Variants in CCSER1 observed in about 807,000 individuals in gnomAD.
CCSER1 encodes serine-rich coiled-coil domain-containing protein 1.
Under a neutral mutation model 82.0 loss-of-function variants are expected in CCSER1, and 41 were observed. The observed-to-expected ratio is 0.50, with a 90% CI of 0.39 to 0.65. The LOEUF (loss-of-function observed/expected upper bound fraction) is 0.65, where lower values mean the gene tolerates loss of function less well. Among genes scored for constraint, CCSER1 ranks in the 30% least tolerant of loss-of-function variants. CCSER1 has a pLI of 0.00. For missense variants in CCSER1, 1,119 were observed against 1,064.2 expected (o/e 1.05, Z -0.72); for synonymous variants, 414 against 383.9 (o/e 1.08, Z -0.92).
intron 6 of CCSER1, among the ~76,000 whole-genome samples, chr4:90,691,653 A>G (rs1429802613): frequency 1.3e-5 from 2 of 151,624 alleles, no homozygotes; most frequent in East Asian, 1.9e-4. Context: ...GTATATATAC[A>G]CACATGCATA....
intron 8 of CCSER1, among the ~76,000 whole-genome samples, chr4:90,863,096 C>T (rs1018806538): frequency 6.6e-6 from 1 of 151,342 alleles, no homozygotes; most frequent in Non-Finnish European, 1.5e-5. Context: ...CCGCTCCCCC[C>T]ACCCCACAAC....
chr4:91,126,773 G>A (rs1024201208), intron 10 of CCSER1, among the ~76,000 whole-genome samples: 6 of 151,892 alleles, frequency 4.0e-5, no homozygotes, highest in African/African-American at 1.4e-4. Context: ...AGTTTGGGAT[G>A]ATCAGATATG....
intron 7 of CCSER1, among the ~76,000 whole-genome samples, chr4:90,791,961 G>A (rs573880533): frequency 9.1e-4 from 139 of 152,284 alleles, no homozygotes; most frequent in Middle Eastern, 3.4e-3. Context: ...AGTTTATTGT[G>A]ATATTTACTT....
chr4:90,819,647 G>A (rs1759480090), intron 8 of CCSER1, among the ~76,000 whole-genome samples: 1 of 151,990 alleles, frequency 6.6e-6, no homozygotes, highest in Non-Finnish European at 1.5e-5. Context: ...ATTATTAATT[G>A]CATTTCTAAT....
intron 10 of CCSER1, among the ~76,000 whole-genome samples, chr4:91,173,145 G>A (rs982979312): frequency 1.3e-5 from 2 of 152,148 alleles, no homozygotes; most frequent in African/African-American, 4.8e-5. Flanking sequence ...ATGTTTAAGA[G>A]CTATGCTAAG....
intron 10 of CCSER1, among the ~76,000 whole-genome samples, chr4:91,515,496 G>A (rs1760057586): frequency 6.6e-6 from 1 of 152,014 alleles, no homozygotes; most frequent in Admixed American, 6.6e-5. Context: ...TAAGATAATG[G>A]CTTCCACCTC....
chr4:90,933,290 GCA>G (rs1730483782), intron 9 of CCSER1, among the ~76,000 whole-genome samples: 1 of 149,172 alleles, frequency 6.7e-6, no homozygotes, highest in Admixed American at 6.6e-5. Context: ...CGGGTTCACC[GCA>G]TTCTCCTGCC....
At chr4:91,125,231 G>T (rs1727412183) in intron 10 of CCSER1, among the ~76,000 whole-genome samples, 1 of 151,598 alleles carries the variant, frequency 6.6e-6, no homozygotes, top group African/African-American at 2.4e-5. Context: ...CACATGTTGT[G>T]TGATAATGTA....
chr4:91,579,511 A>G (rs1180739391), intron 10 of CCSER1, among the ~76,000 whole-genome samples: 1 of 151,842 alleles, frequency 6.6e-6, no homozygotes, highest in East Asian at 1.9e-4. Context: ...AATAAATGTT[A>G]ATTTTTATAT....
intron 10 of CCSER1, among the ~76,000 whole-genome samples, chr4:91,166,321 C>T (rs1394020367): frequency 6.6e-6 from 1 of 152,112 alleles, no homozygotes; most frequent in Non-Finnish European, 1.5e-5. Flanking sequence ...ATTTGTTGAA[C>T]ACCAACTATG....
intron 6 of CCSER1, among the ~76,000 whole-genome samples, chr4:90,667,317 G>A (rs183306229): frequency 9.2e-5 from 14 of 152,238 alleles, no homozygotes; most frequent in Non-Finnish European, 1.8e-4. Context: ...GATTAAATGA[G>A]TACATGGCTC....
chr4:90,427,611 G>T (rs1221064619), intron 4 of CCSER1, among the ~76,000 whole-genome samples: 1 of 151,566 alleles, frequency 6.6e-6, no homozygotes, highest in Non-Finnish European at 1.5e-5. Context: ...AAACATCATG[G>T]AACAATCAGT....
chr4:90,570,685 A>G (rs1426568967), intron 5 of CCSER1, among the ~76,000 whole-genome samples: 1 of 152,146 alleles, frequency 6.6e-6, no homozygotes, highest in African/African-American at 2.4e-5. Context: ...ACCAAGGTCT[A>G]GGAATGGACA....
intron 4 of CCSER1, among the ~76,000 whole-genome samples, chr4:90,448,578 G>A (rs985934239): frequency 4.0e-5 from 6 of 149,138 alleles, no homozygotes; most frequent in African/African-American, 9.9e-5. Context: ...TGAAATCTTC[G>A]TTCATAAATT....
intron 10 of CCSER1, among the ~76,000 whole-genome samples, chr4:91,402,591 C>A (rs1352283807): frequency 6.6e-6 from 1 of 152,106 alleles, no homozygotes; most frequent in East Asian, 1.9e-4. Context: ...AGGAAGGGAT[C>A]CAGTTTCAGC....
intron 7 of CCSER1, among the ~76,000 whole-genome samples, chr4:90,738,158 A>C (rs1291013760): frequency 6.6e-6 from 1 of 152,068 alleles, no homozygotes; most frequent in Non-Finnish European, 1.5e-5. Flanking sequence ...ATGCTTGTGG[A>C]TATTCATCAG....
At chr4:90,390,276 A>G (rs987811547) in intron 3 of CCSER1, among the ~76,000 whole-genome samples, 3 of 152,060 alleles carry the variant, frequency 2.0e-5, no homozygotes, top group African/African-American at 7.2e-5. Context: ...TGAGAACTGT[A>G]TTTTTCATTT....
intron 6 of CCSER1, among the ~76,000 whole-genome samples, chr4:90,694,917 C>T (rs559324774): frequency 2.6e-5 from 4 of 151,428 alleles, no homozygotes; most frequent in Non-Finnish European, 2.9e-5. Context: ...GTTTTGAAAT[C>T]GTTTAATATA....
At chr4:90,509,497 C>T (rs1262439670) in intron 5 of CCSER1, among the ~76,000 whole-genome samples, 1 of 152,048 alleles carries the variant, frequency 6.6e-6, no homozygotes, top group Non-Finnish European at 1.5e-5. Flanking sequence ...TATTTTCTAC[C>T]ACTACAATTG....
Sources: allele counts gnomAD v4.1 joint callset (sites outside exome capture counted in the v4.1 genomes callset), GRCh38; gene constraint gnomAD v4.1.1; transcripts MANE v1.5; gene names NCBI Gene and HGNC (gene_info 2026-07-23, HGNC 2026-07-21).